Variants in SASH1 observed in about 807,000 individuals in gnomAD.
SASH1 encodes the protein SAM and SH3 domain containing 1.
A neutral mutation model predicts 125.2 loss-of-function variants in SASH1; 44 were observed. That is an observed-to-expected ratio of 0.35 (90% CI 0.28 to 0.45). The LOEUF (loss-of-function observed/expected upper bound fraction) is 0.45. Ranked by LOEUF, SASH1 falls within the 20% of genes least tolerant of loss-of-function variation. SASH1 has a pLI of 1.00. For missense variants in SASH1, 1,426 were observed against 1,614.5 expected (o/e 0.88, Z 2.00); for synonymous variants, 639 against 649.1 (o/e 0.98, Z 0.24).
intron 12 of SASH1, among the ~76,000 whole-genome samples, chr6:148,528,172 A>AT (rs910197703): frequency 1.3e-5 from 2 of 151,986 alleles, no homozygotes; most frequent in Admixed American, 6.6e-5. Context: ...CATAGAATTG[A>AT]TTTTTCCCCC....
At chr6:148,277,649 C>T (rs1779222830) in intron 1 of SASH1, among the ~76,000 whole-genome samples, 1 of 152,122 alleles carries the variant, frequency 6.6e-6, no homozygotes, top group South Asian at 2.1e-4. Context: ...AAAATAAAGA[C>T]AATTGTGCTT....
At chr6:148,379,607 C>G (rs1031438581) in intron 1 of SASH1, among the ~76,000 whole-genome samples, 1 of 151,936 alleles carries the variant, frequency 6.6e-6, no homozygotes, top group African/African-American at 2.4e-5. Flanking sequence ...ATCCATCAAT[C>G]CATCCATCCA....
intron 2 of SASH1, among the ~76,000 whole-genome samples, chr6:148,421,146 G>GAAGAAAGAAAGAAAGA (rs751049278): frequency 2.4e-3 from 171 of 71,200 alleles, no homozygotes; most frequent in East Asian, 4.3e-3. Flanking sequence ...AGGAAGGAAG[G>GAAGAAAGAAAGAAAGA]AAGAAAGAAA....
the SASH1 span, among the ~76,000 whole-genome samples, chr6:148,225,365 A>G: frequency 6.6e-6 from 1 of 152,238 alleles, no homozygotes; most frequent in Non-Finnish European, 1.5e-5. Flanking sequence ...AGTGTGGTAT[A>G]TGTACACCAT....
At chr6:148,227,211 T>C in the SASH1 span, among the ~76,000 whole-genome samples, 2 of 152,212 alleles carry the variant, frequency 1.3e-5, no homozygotes, top group Non-Finnish European at 2.9e-5. Context: ...AGAAAAGGTT[T>C]ATGTACAAAG....
the SASH1 span, among the ~76,000 whole-genome samples, chr6:148,261,709 C>T: frequency 1.3e-5 from 2 of 152,142 alleles, no homozygotes; most frequent in African/African-American, 4.8e-5. Context: ...CTGCATTCTG[C>T]CACAACAGCC....
the SASH1 span, among the ~76,000 whole-genome samples, chr6:148,197,708 G>T: frequency 6.6e-6 from 1 of 152,174 alleles, no homozygotes; most frequent in Non-Finnish European, 1.5e-5. Flanking sequence ...GACCAATATG[G>T]TTTGGCTCTG....
In SASH1 at chr6:148,322,904, CTCTT is replaced by C. The variant is rs1037739189; in HGVS notation, n.74+50537_74+50540del. ...CTTTCTTTTTCTTCTTTCTTTCTCTCTCTTTCTTTCTTTTTTCTTTCTCTCTTTC... is the reference window on the plus strand; with the variant it reads ...CTTTCTTTTTCTTCTTTCTTTCTCTCTCTTTCTTTTTTCTTTCTCTCTTTC... On this transcript the variant is annotated intron_variant and non_coding_transcript_variant, in intron 1 of 3. Transcript: ENST00000367469. 1.9e-3 allele frequency among the ~76,000 whole-genome samples: 250 copies of C among 130,600 alleles called. 11 individuals are homozygous for C. The highest frequency in any genetic ancestry group is 5.9e-3 in the African/African-American group (204 of 34,492). 85.7% of individuals were successfully genotyped at this position (130,600 alleles called of 152,430 possible).
chr6:148,251,210 G>T, the SASH1 span, among the ~76,000 whole-genome samples: 1 of 152,150 alleles, frequency 6.6e-6, no homozygotes. Flanking sequence ...TCACAGAAAA[G>T]CAATGACAGG....
intron 2 of SASH1, among the ~76,000 whole-genome samples, chr6:148,390,692 G>T (rs922742777): frequency 2.0e-5 from 3 of 152,060 alleles, no homozygotes; most frequent in Admixed American, 1.3e-4. Flanking sequence ...GGAGGCTGAG[G>T]CAGGAGACTG....
At chr6:148,482,878 A>C (rs1328715281) in intron 7 of SASH1, among the ~76,000 whole-genome samples, 3 of 151,786 alleles carry the variant, frequency 2.0e-5, no homozygotes, top group African/African-American at 7.3e-5. Context: ...TAGTAGAGAC[A>C]GGGTTTCACC....
chr6:148,474,235 A>G lies in SASH1; in HGVS notation c.627+13A>G, dbSNP rs1274291244. On this transcript the variant is annotated intron_variant, in intron 7 of 19. Coordinates refer to ENST00000367467, the MANE Select transcript of SASH1 (RefSeq NM_015278.5). ...AGCACTTGCTAGGGTAAGCATGCAGATACCTGGTTTATATTTGTGAGGACT... is the reference window on the plus strand; with the variant it reads ...AGCACTTGCTAGGGTAAGCATGCAGGTACCTGGTTTATATTTGTGAGGACT... 1 of 1,500,566 alleles carries G rather than the reference A, an allele frequency of 6.7e-7. No individual in the cohort carries two copies. The highest frequency in any genetic ancestry group is 1.4e-5 in the African/African-American group (1 of 72,512). 93.0% of individuals were successfully genotyped at this position (1,500,566 alleles called of 1,614,324 possible). A position where few individuals can be genotyped will look rare whatever the true frequency, so the allele number is the denominator to read the frequency against.
chr6:148,438,863 G>A (rs1776421856), intron 2 of SASH1, among the ~76,000 whole-genome samples: 1 of 151,816 alleles, frequency 6.6e-6, no homozygotes, highest in African/African-American at 2.4e-5. Flanking sequence ...CAGATTCCCA[G>A]AACACTCCCC....
At chr6:148,233,742 CAA>C in the SASH1 span, among the ~76,000 whole-genome samples, 18 of 60,530 alleles carry the variant, frequency 3.0e-4, no homozygotes, top group East Asian at 1.5e-3. Flanking sequence ...TTCCTCTCTA[CAA>C]AAAAAAAAAA....
chr6:148,204,648 T>C, the SASH1 span, among the ~76,000 whole-genome samples: 1 of 151,970 alleles, frequency 6.6e-6, no homozygotes, highest in African/African-American at 2.4e-5. Context: ...GCCAAGAACA[T>C]GCCATTGCAC....
At chr6:148,321,058 G>A (rs1780621799) in intron 1 of SASH1, among the ~76,000 whole-genome samples, 1 of 152,192 alleles carries the variant, frequency 6.6e-6, no homozygotes. Flanking sequence ...AGGATTGATA[G>A]TATTAGGTTG....
At chr6:148,426,314 C>T (rs567364341) in intron 2 of SASH1, among the ~76,000 whole-genome samples, 15 of 152,260 alleles carry the variant, frequency 9.9e-5, no homozygotes, top group African/African-American at 3.1e-4. Context: ...GTCAGGGGAC[C>T]GCTGTGGGGA....
At chr6:148,398,753 G>T (rs572110067) in intron 2 of SASH1, among the ~76,000 whole-genome samples, 1 of 152,298 alleles carries the variant, frequency 6.6e-6, no homozygotes, top group African/African-American at 2.4e-5. Flanking sequence ...TGAAGATGGT[G>T]ATCAGTATCT....
At chr6:148,454,627 T>C (rs1396183376) in intron 4 of SASH1, among the ~76,000 whole-genome samples, 1 of 152,114 alleles carries the variant, frequency 6.6e-6, no homozygotes, top group Admixed American at 6.5e-5. Context: ...CAGGCCTAGC[T>C]GGTGGAAGGC....
Sources: gnomAD v4.1 joint callset for allele counts (sites outside exome capture counted in the v4.1 genomes callset) on GRCh38, gnomAD v4.1.1 for gene constraint, MANE v1.5 for transcripts, NCBI Gene and HGNC (gene_info 2026-07-23, HGNC 2026-07-21) for gene names.